The following KIAA1549L variants were observed in gnomAD, a reference collection of about 807,000 sequenced individuals.
KIAA1549L encodes KIAA1549 like.
KIAA1549L carries 88 observed loss-of-function variants against 160.7 expected under a neutral mutation model. That is an observed-to-expected ratio of 0.55 (90% CI 0.46 to 0.65). The LOEUF (loss-of-function observed/expected upper bound fraction) is 0.65. Among genes scored for constraint, KIAA1549L ranks in the 30% least tolerant of loss-of-function variants. The pLI is 0.00. For missense variants in KIAA1549L, 2,258 were observed against 2,437.5 expected (o/e 0.93, Z 1.55); for synonymous variants, 950 against 976.7 (o/e 0.97, Z 0.51).
rs538313803 is a variant in KIAA1549L, at chr11:33,520,160, C to CTACCCTCT, written c.239-21640_239-21639insCCCTCTTA. Among the ~76,000 whole-genome samples, 177 of 152,174 alleles carry CTACCCTCT rather than the reference C, an allele frequency of 1.2e-3. No individual in the cohort carries two copies. The South Asian group carries it at 0.025, about 21-fold the overall frequency. On this transcript the variant is annotated intron_variant, in intron 1 of 20. Transcript: ENST00000658780. ...TGGTAAGAGCACATAACATAAAGAT[C>CTACCCTCT]TAGCGAATTTTTAAGCATACAATAC... is the stretch of plus-strand genomic sequence containing the variant.
At chr11:33,434,419 C>T (rs1414300322) in intron 1 of KIAA1549L, among the ~76,000 whole-genome samples, 3 of 152,176 alleles carry the variant, frequency 2.0e-5, no homozygotes, top group South Asian at 2.1e-4. Flanking sequence ...TTATAAATTA[C>T]CCAGTCCAAG....
intron 1 of KIAA1549L, among the ~76,000 whole-genome samples, chr11:33,519,105 C>T (rs1180463090): frequency 6.6e-6 from 1 of 152,148 alleles, no homozygotes; most frequent in Admixed American, 6.5e-5. Context: ...ATGTTTTGAA[C>T]ATGAGAACTG....
At chr11:33,421,363 G>T (rs1394634334) in intron 1 of KIAA1549L, among the ~76,000 whole-genome samples, 1 of 152,210 alleles carries the variant, frequency 6.6e-6, no homozygotes, top group African/African-American at 2.4e-5. Flanking sequence ...CCCATGACAG[G>T]AGCTTTTAGA....
chr11:33,530,436 A>AAAAATAT (rs1853735474), intron 1 of KIAA1549L, among the ~76,000 whole-genome samples: 1 of 11,890 alleles, frequency 8.4e-5, no homozygotes. Flanking sequence ...AAAAAAAAAA[A>AAAAATAT]ATATATATAT....
chr11:33,573,424 A>C (rs967460663), intron 9 of KIAA1549L, among the ~76,000 whole-genome samples: 2 of 152,242 alleles, frequency 1.3e-5, no homozygotes, highest in African/African-American at 4.8e-5. Flanking sequence ...TTTTAACTTT[A>C]TATTTTGTGA....
chr11:33,601,836 T>C (rs903857589), intron 13 of KIAA1549L, among the ~76,000 whole-genome samples: 1 of 152,242 alleles, frequency 6.6e-6, no homozygotes, highest in African/African-American at 2.4e-5. Context: ...GCATAGGTCC[T>C]TATAGCTCAA....
chr11:33,599,860 C>T (rs917495807), intron 13 of KIAA1549L, among the ~76,000 whole-genome samples: 2 of 152,234 alleles, frequency 1.3e-5, no homozygotes, highest in African/African-American at 4.8e-5. Flanking sequence ...TGGAGCCCTA[C>T]AGAAATGCCA....
At chr11:33,492,775 C>T (rs925920675) in intron 1 of KIAA1549L, among the ~76,000 whole-genome samples, 1 of 152,198 alleles carries the variant, frequency 6.6e-6, no homozygotes, top group Admixed American at 6.5e-5. Context: ...CTATCCCACA[C>T]ATTCTATTCA....
At chr11:33,620,989 A>T (rs573735558) in intron 16 of KIAA1549L, among the ~76,000 whole-genome samples, 19 of 152,306 alleles carry the variant, frequency 1.2e-4, no homozygotes, top group African/African-American at 3.8e-4. Flanking sequence ...GAAACATGTC[A>T]TTCTTCCCAC....
chr11:33,584,788 G>A lies in KIAA1549L; in HGVS notation c.4566+1287G>A, dbSNP rs79808163. On this transcript the variant is annotated intron_variant, in intron 11 of 20. Transcript: ENST00000658780. ...GACTGAGGCTCACATCTGAGTCTTA[G>A]AGCATTTTCGCCATTATACACCTAC... Among the ~76,000 whole-genome samples the A allele has an allele frequency of 7.5e-3, 1,135 of 152,280 alleles. 6 individuals are homozygous for A. Among genetic ancestry groups the A allele is most frequent in the Non-Finnish European group, 0.012 (835 of 68,008 alleles).
intron 16 of KIAA1549L, among the ~76,000 whole-genome samples, chr11:33,640,566 C>T (rs1430745088): frequency 6.6e-6 from 1 of 152,172 alleles, no homozygotes; most frequent in Non-Finnish European, 1.5e-5. Flanking sequence ...CTGTAGTGGC[C>T]TGGGGCAGTG....
intron 1 of KIAA1549L, among the ~76,000 whole-genome samples, chr11:33,482,266 T>A (rs768011170): frequency 2.0e-4 from 30 of 152,188 alleles, no homozygotes; most frequent in Non-Finnish European, 1.9e-4. Flanking sequence ...CACGTCATCT[T>A]GAAATACTGA....
chr11:33,487,037 A>G (rs924421003), intron 1 of KIAA1549L, among the ~76,000 whole-genome samples: 1 of 152,088 alleles, frequency 6.6e-6, no homozygotes, highest in African/African-American at 2.4e-5. Flanking sequence ...GGATCTCCAT[A>G]GCAATTTATT....
At chr11:33,591,205 AAT>A in intron 11 of KIAA1549L, 30 bp from the exon 12 acceptor site, 1 of 1,557,334 alleles carries the variant, frequency 6.4e-7, no homozygotes, top group African/African-American at 1.4e-5. Context: ...CTTCGCTAGA[AAT>A]ACGACTGCAA....
rs1332987689 is a variant in KIAA1549L at position 33,671,735 on chromosome 11, A to G, written c.*3581A>G. ...CAAAAGATTTAAACATTGATTACATATAAACGAGTTTCCTTTTTTTCTACA... is the reference window on the plus strand; with the variant it reads ...CAAAAGATTTAAACATTGATTACATGTAAACGAGTTTCCTTTTTTTCTACA... On this transcript the variant is annotated 3_prime_UTR_variant, in exon 21 of 21. Transcript: ENST00000658780. The G allele has an allele frequency of 1.3e-5, 2 of 152,254 alleles. No individual in the cohort carries two copies. Among genetic ancestry groups the G allele is most frequent in the African/African-American group, 2.4e-5 (1 of 41,472 alleles). 9.4% of individuals were successfully genotyped at this position (152,254 alleles called of 1,614,324 possible).
At position 33,384,759 on chromosome 11, in the gene KIAA1549L, A is replaced by C. The variant is rs899800551; in HGVS notation, c.238+7870A>C. Reference sequence around the variant, plus strand: ...GTTCTTACTTGCCATCTATATCTCTACTTTGAAGTCTGTTAAGTTATTTTG... The same window carrying C: ...GTTCTTACTTGCCATCTATATCTCTCCTTTGAAGTCTGTTAAGTTATTTTG... On this transcript the variant is annotated intron_variant, in intron 1 of 20. Coordinates refer to ENST00000658780, the MANE Select transcript of KIAA1549L (RefSeq NM_012194.3). 3.3e-5 allele frequency among the ~76,000 whole-genome samples: 5 copies of C among 152,132 alleles called. No individual in the cohort carries two copies. The East Asian group carries it at 9.6e-4, about 29-fold the overall frequency.
chr11:33,449,936 G>A (rs548035301), intron 1 of KIAA1549L, among the ~76,000 whole-genome samples: 45 of 152,320 alleles, frequency 3.0e-4, no homozygotes, highest in African/African-American at 1.0e-3. Flanking sequence ...AGGTGACAAA[G>A]TAGATGAAAT....
intron 12 of KIAA1549L, among the ~76,000 whole-genome samples, chr11:33,597,263 A>G (rs1850225568): frequency 6.6e-6 from 1 of 152,216 alleles, no homozygotes; most frequent in South Asian, 2.1e-4. Flanking sequence ...GTGCCACGGA[A>G]TGTTCTTGGC....
chr11:33,616,173 AG>A (rs1850802856), intron 15 of KIAA1549L, among the ~76,000 whole-genome samples: 3 of 152,280 alleles, frequency 2.0e-5, no homozygotes, highest in Admixed American at 1.3e-4. Context: ...GGCTGGATCC[AG>A]GGGTCAGATG....
Sources: gnomAD v4.1 joint callset for allele counts (sites outside exome capture counted in the v4.1 genomes callset) on GRCh38, gnomAD v4.1.1 for gene constraint, MANE v1.5 for transcripts, NCBI Gene and HGNC (gene_info 2026-07-23, HGNC 2026-07-21) for gene names.